Variants in ASTN2 observed in about 807,000 individuals in gnomAD.
The protein encoded by ASTN2 is astrotactin-2.
In ASTN2, 54 loss-of-function variants were observed where a neutral mutation model predicts 139.8. The observed-to-expected ratio is 0.39, with a 90% CI of 0.31 to 0.48. The LOEUF is 0.48. Among genes scored for constraint, ASTN2 ranks in the 20% least tolerant of loss-of-function variants. The pLI is 0.95. For synonymous variants in ASTN2, 756 were observed against 719.5 expected (o/e 1.05, Z -0.81); for missense variants, 1,565 against 1,725.1 (o/e 0.91, Z 1.64).
At chr9:116,801,362 C>T (rs952696457) in intron 13 of ASTN2, among the ~76,000 whole-genome samples, 7 of 151,626 alleles carry the variant, frequency 4.6e-5, no homozygotes, top group Admixed American at 1.3e-4. Flanking sequence ...GGGGGTGGAT[C>T]GCGAGGTCAG....
At chr9:117,200,543 T>C (rs1176941285) in intron 3 of ASTN2, among the ~76,000 whole-genome samples, 2 of 152,122 alleles carry the variant, frequency 1.3e-5, no homozygotes, top group African/African-American at 4.8e-5. Flanking sequence ...TCCATCAATA[T>C]CTAGTTTATT....
At chr9:116,803,505 TATATATATATATATATA>T (rs1200794553) in intron 13 of ASTN2, among the ~76,000 whole-genome samples, 32 of 7,054 alleles carry the variant, frequency 4.5e-3, no homozygotes, top group African/African-American at 0.021. Flanking sequence ...TATATATATA[TATATATATATATATATA>T]TTTTTTTTTT....
At chr9:117,022,293 G>T (rs1308499717) in intron 6 of ASTN2, among the ~76,000 whole-genome samples, 1 of 152,076 alleles carries the variant, frequency 6.6e-6, no homozygotes, top group Non-Finnish European at 1.5e-5. Flanking sequence ...CAGCCAGCAA[G>T]ACTCAGAGGA....
At chr9:117,120,213 A>G (rs995396364) in intron 4 of ASTN2, among the ~76,000 whole-genome samples, 2 of 151,338 alleles carry the variant, frequency 1.3e-5, no homozygotes, top group African/African-American at 4.9e-5. Context: ...ATGACTGGAA[A>G]CTCACCTTCC....
chr9:117,018,888 G>A (rs1027042543), intron 6 of ASTN2, among the ~76,000 whole-genome samples: 1 of 152,030 alleles, frequency 6.6e-6, no homozygotes, highest in Non-Finnish European at 1.5e-5. Flanking sequence ...GTACAGACAA[G>A]GAAATTGGAG....
chr9:116,462,913 T>G (rs1848536760), intron 20 of ASTN2, among the ~76,000 whole-genome samples: 1 of 151,964 alleles, frequency 6.6e-6, no homozygotes, highest in African/African-American at 2.4e-5. Flanking sequence ...GATATCTCCT[T>G]TGGATGTCCA....
intron 1 of ASTN2, among the ~76,000 whole-genome samples, chr9:117,347,657 GT>G: frequency 6.6e-6 from 1 of 152,258 alleles, no homozygotes; most frequent in East Asian, 1.9e-4. Context: ...TAAAGCAAAT[GT>G]TTTTTCTGAA....
chr9:117,288,444 G>A (rs1834502657), intron 2 of ASTN2, among the ~76,000 whole-genome samples: 1 of 151,868 alleles, frequency 6.6e-6, no homozygotes, highest in Non-Finnish European at 1.5e-5. Context: ...AGAAGATTTG[G>A]GTCTTCTCAC....
chr9:117,173,485 T>C (rs1024405293), intron 3 of ASTN2, among the ~76,000 whole-genome samples: 1 of 152,140 alleles, frequency 6.6e-6, no homozygotes. Context: ...AAAGTAGCCA[T>C]GCTCCAGGGT....
At chr9:117,106,880 C>CTATTATGTAAT (rs1829119781) in intron 4 of ASTN2, among the ~76,000 whole-genome samples, 1 of 152,060 alleles carries the variant, frequency 6.6e-6, no homozygotes, top group Non-Finnish European at 1.5e-5. Context: ...ACAGCTTTTT[C>CTATTATGTAAT]TATTATGTAA....
rs1327826387 is a variant in ASTN2, at chr9:116,729,238, C to T, written c.2522-142G>A. ...ACTGGGATTGACAATTTTATGAACC[C>T]CACCCTCCAGGCCTCTTTCTGGTCT... is the stretch of plus-strand genomic sequence containing the variant. On this transcript the variant is annotated intron_variant, in intron 14 of 22. Transcript: ENST00000313400. 1.1e-5 allele frequency: 7 copies of T among 650,664 alleles called. No homozygotes were observed. In the South Asian group the frequency reaches 1.1e-4, roughly 11 times the overall value. 40.3% of individuals were successfully genotyped at this position (650,664 alleles called of 1,614,324 possible). A position where few individuals can be genotyped will look rare whatever the true frequency, so the allele number is the denominator to read the frequency against.
At chr9:117,055,076 G>A (rs905918230) in intron 5 of ASTN2, among the ~76,000 whole-genome samples, 1 of 152,170 alleles carries the variant, frequency 6.6e-6, no homozygotes, top group African/African-American at 2.4e-5. Flanking sequence ...CTGCTATGTG[G>A]CCAGGTTCCT....
rs58832163 is a variant in ASTN2, at chr9:116,948,785, G to GTTTTTTTTTTTT, written c.1889+26411_1889+26422dup. On this transcript the variant is annotated intron_variant, in intron 10 of 22. Transcript: ENST00000313400. ...AGAGAGAGGAGAGAAATAATTTGGT[G>GTTTTTTTTTTTT]TTTTTTTTTTTTTTTTTTTTTTTTT... Among the ~76,000 whole-genome samples, 398 of 49,470 alleles carry GTTTTTTTTTTTT rather than the reference G, an allele frequency of 8.0e-3. 97 individuals are homozygous for GTTTTTTTTTTTT. The highest frequency in any genetic ancestry group is 0.033 in the African/African-American group (386 of 11,586). 32.5% of individuals were successfully genotyped at this position (49,470 alleles called of 152,430 possible).
At chr9:116,463,339 C>A (rs1848550512) in intron 20 of ASTN2, among the ~76,000 whole-genome samples, 1 of 152,162 alleles carries the variant, frequency 6.6e-6, no homozygotes, top group African/African-American at 2.4e-5. Flanking sequence ...CGATCTCTCC[C>A]CACCATCCAT....
chr9:116,512,615 C>T (rs1850446599), intron 19 of ASTN2, among the ~76,000 whole-genome samples: 3 of 152,130 alleles, frequency 2.0e-5, no homozygotes, highest in Admixed American at 2.0e-4. Context: ...TAAAGTCTCT[C>T]ACTATTATTA....
chr9:116,973,519 T>C (rs1335652994), intron 10 of ASTN2, among the ~76,000 whole-genome samples: 1 of 152,204 alleles, frequency 6.6e-6, no homozygotes, highest in Non-Finnish European at 1.5e-5. Flanking sequence ...ATCTGAATCT[T>C]CATTGAAATC....
At chr9:116,572,113 CCT>C (rs1477908507) in intron 19 of ASTN2, among the ~76,000 whole-genome samples, 1 of 152,066 alleles carries the variant, frequency 6.6e-6, no homozygotes, top group African/African-American at 2.4e-5. Flanking sequence ...TGTGTGTTCC[CCT>C]GTGTCTCTGC....
chr9:117,315,959 C>T (rs1041756706), intron 1 of ASTN2, among the ~76,000 whole-genome samples: 2 of 152,176 alleles, frequency 1.3e-5, no homozygotes, highest in African/African-American at 2.4e-5. Context: ...ATTGACTGCT[C>T]GCCATGTGCC....
At chr9:116,993,876 A>ATATATATATATATATATATATT (rs1030120382) in intron 7 of ASTN2, among the ~76,000 whole-genome samples, 2 of 142,050 alleles carry the variant, frequency 1.4e-5, no homozygotes, top group East Asian at 4.1e-4. Context: ...ATATATATAT[A>ATATATATATATATATATATATT]TTTTAACTAT....
Sources: gnomAD v4.1 joint callset for allele counts (sites outside exome capture counted in the v4.1 genomes callset) on GRCh38, gnomAD v4.1.1 for gene constraint, MANE v1.5 for transcripts, NCBI Gene and HGNC (gene_info 2026-07-23, HGNC 2026-07-21) for gene names.